The following ASXL3 variants were observed in gnomAD, a reference collection of about 807,000 sequenced individuals.
ASXL3 encodes the protein ASXL transcriptional regulator 3.
Under a neutral mutation model 170.6 loss-of-function variants are expected in ASXL3, and 34 were observed. The ratio of observed to expected loss-of-function variants is 0.20; its 90% CI spans 0.15 to 0.27. ASXL3 has a LOEUF of 0.27. Ranked by LOEUF, ASXL3 falls within the 10% of genes least tolerant of loss-of-function variation. The probability of loss-of-function intolerance (pLI) is 1.00; values close to 1 mark genes in which losing one functional copy is unlikely to be tolerated. For missense variants in ASXL3, 2,592 were observed against 2,695.3 expected (o/e 0.96, Z 0.85); for synonymous variants, 1,002 against 989.1 (o/e 1.01, Z -0.24).
Position 33,743,354 on chromosome 18 carries a change from G to C in ASXL3, c.3506G>C (p.Ser1169Thr). 1 of 1,613,642 alleles carries C rather than the reference G, an allele frequency of 6.2e-7. No individual in the cohort carries two copies. The highest frequency in any genetic ancestry group is 8.5e-7 in the Non-Finnish European group (1 of 1,179,872). ...IIVNPNCRSP[S>T]NKSAHLRETT... ...GTCAATCCAAACTGTAGATCTCCTA[G>C]CAACAAGTCTGCCCACCTCCGGGAG... Residue 1169 changes from serine to threonine, a missense_variant, in exon 12 of 12, where the codon AGC (serine) becomes ACC (threonine). Physicochemically the swap from Ser to Thr is moderately conservative, Grantham distance 58. This residue lies in a region of ASXL3 where 2,246 missense variants were observed against 2,219.6 expected (regional missense o/e 1.01). Coordinates refer to ENST00000269197, the MANE Select transcript of ASXL3 (RefSeq NM_030632.3).
At position 33,743,030 on chromosome 18, in the gene ASXL3, C is replaced by A; in HGVS notation, c.3182C>A (p.Ala1061Asp). The A allele has an allele frequency of 6.2e-7, 1 of 1,613,754 alleles. No homozygotes were observed. Among genetic ancestry groups the A allele is most frequent in the Non-Finnish European group, 8.5e-7 (1 of 1,179,806 alleles). ...ACCCTCGCAGATATCAAGGCCCGGG[C>A]CCAACAAGCTCGGGCCCAGCGAGAG... is the stretch of plus-strand genomic sequence containing the variant. ...ARTLADIKAR[A>D]QQARAQREAA... Residue 1061 changes from alanine (A) to aspartate (D), a missense_variant, in exon 12 of 12, where the codon GCC becomes GAC. Physicochemically the swap from Ala to Asp is moderately radical, Grantham distance 126. Coordinates refer to ENST00000269197, the MANE Select transcript of ASXL3 (RefSeq NM_030632.3).
chr18:33,648,894 T>G (rs964939923), intron 4 of ASXL3, among the ~76,000 whole-genome samples: 1 of 152,064 alleles, frequency 6.6e-6, no homozygotes, highest in African/African-American at 2.4e-5. Context: ...TGATGAAGAT[T>G]AGGAAATTAC....
chr18:33,650,910 T>G (rs2065987843), intron 4 of ASXL3, among the ~76,000 whole-genome samples: 1 of 152,124 alleles, frequency 6.6e-6, no homozygotes, highest in East Asian at 1.9e-4. Flanking sequence ...TAATCTAGCC[T>G]TAGGACACAT....
chr18:33,712,952 A>G (rs1456778268), intron 8 of ASXL3, among the ~76,000 whole-genome samples: 2 of 151,930 alleles, frequency 1.3e-5, no homozygotes. Flanking sequence ...CTGCCAGGCT[A>G]TTGCACTCCT....
At chr18:33,658,910 C>T (rs568926220) in intron 4 of ASXL3, among the ~76,000 whole-genome samples, 1 of 152,142 alleles carries the variant, frequency 6.6e-6, no homozygotes, top group East Asian at 1.9e-4. Context: ...TCCTGCCCTC[C>T]CTCTGAAATT....
intron 8 of ASXL3, among the ~76,000 whole-genome samples, chr18:33,718,952 C>T (rs895284512): frequency 2.0e-5 from 3 of 151,922 alleles, no homozygotes; most frequent in Non-Finnish European, 4.4e-5. Context: ...TATATCTCAG[C>T]TTGTTGAGAA....
At chr18:33,654,370 TA>T (rs34584185) in intron 4 of ASXL3, among the ~76,000 whole-genome samples, 1 of 152,048 alleles carries the variant, frequency 6.6e-6, no homozygotes, top group Non-Finnish European at 1.5e-5. Context: ...TCATGTTCTT[TA>T]AAAAAAGTAC....
At chr18:33,647,683 T>G (rs1350407028) in intron 4 of ASXL3, among the ~76,000 whole-genome samples, 1 of 152,090 alleles carries the variant, frequency 6.6e-6, no homozygotes, top group Non-Finnish European at 1.5e-5. Context: ...ACATATATAC[T>G]GAGCTTCTTT....
Position 33,653,444 on chromosome 18 carries a change from C to T in ASXL3, c.355+7091C>T, listed in dbSNP as rs954685972. 4.6e-5 allele frequency among the ~76,000 whole-genome samples: 7 copies of T among 152,234 alleles called. No homozygotes were observed. The East Asian group carries it at 1.4e-3, about 30-fold the overall frequency. On this transcript the variant is annotated intron_variant, in intron 4 of 11. Transcript: ENST00000269197. Reference sequence around the variant, plus strand: ...TTTGCTCATGGAGACACCTGCTCTACATTGGTGGCCTAGAGAAACTTAAGT... The same window carrying T: ...TTTGCTCATGGAGACACCTGCTCTATATTGGTGGCCTAGAGAAACTTAAGT...
chr18:33,648,419 T>C (rs1207976634), intron 4 of ASXL3, among the ~76,000 whole-genome samples: 3 of 152,074 alleles, frequency 2.0e-5, no homozygotes, highest in Non-Finnish European at 2.9e-5. Flanking sequence ...AGTTTGAGTA[T>C]GTGAGCAAGT....
chr18:33,680,495 G>C (rs1419973111), intron 7 of ASXL3, among the ~76,000 whole-genome samples: 1 of 151,974 alleles, frequency 6.6e-6, no homozygotes, highest in African/African-American at 2.4e-5. Flanking sequence ...AGTTGTAAAA[G>C]TTCTCTGTAG....
intron 11 of ASXL3, among the ~76,000 whole-genome samples, chr18:33,742,278 G>C (rs1425214655): frequency 6.6e-6 from 1 of 152,182 alleles, no homozygotes; most frequent in Non-Finnish European, 1.5e-5. Context: ...CTTCTCTTGT[G>C]TTCTTATATG....
chr18:33,736,291 A>AC (rs1227900685), intron 10 of ASXL3, among the ~76,000 whole-genome samples: 4 of 151,568 alleles, frequency 2.6e-5, no homozygotes, highest in Non-Finnish European at 5.9e-5. Context: ...AATAAACATG[A>AC]CCCCCTCATT....
intron 8 of ASXL3, among the ~76,000 whole-genome samples, chr18:33,731,236 A>G (rs921264054): frequency 6.6e-6 from 1 of 151,498 alleles, no homozygotes; most frequent in African/African-American, 2.5e-5. Context: ...AGAAATCTCT[A>G]AAAGTGTGTT....
intron 2 of ASXL3, among the ~76,000 whole-genome samples, chr18:33,622,753 C>T (rs948926636): frequency 2.0e-5 from 3 of 152,098 alleles, no homozygotes; most frequent in African/African-American, 7.2e-5. Flanking sequence ...AAGACATGCT[C>T]TGAAAGTTGA....
Position 33,743,904 on chromosome 18 carries a change from C to T in ASXL3, c.4056C>T (p.Asn1352=). ...PTPSIGNNLP[N]LSTSSVLIPP... ...CCTCCATCGGAAACAATTTGCCAAA[C>T]CTCTCCACTAGCTCTGTCTTGATTC... is the stretch of plus-strand genomic sequence containing the variant. The change falls in exon 12 of 12, where the codon AAC becomes AAT. Residue 1352 remains asparagine (N), a synonymous_variant. Coordinates refer to ENST00000269197, the MANE Select transcript of ASXL3 (RefSeq NM_030632.3). 1 of 1,614,014 alleles carries T rather than the reference C, an allele frequency of 6.2e-7. No homozygotes were observed. The highest frequency in any genetic ancestry group is 8.5e-7 in the Non-Finnish European group (1 of 1,179,888).
chr18:33,601,341 T>C (rs2065180693), intron 1 of ASXL3, among the ~76,000 whole-genome samples: 2 of 152,168 alleles, frequency 1.3e-5, no homozygotes, highest in South Asian at 2.1e-4. Context: ...ATTTGGCTCA[T>C]TGGAATAATA....
intron 8 of ASXL3, among the ~76,000 whole-genome samples, chr18:33,707,998 T>C (rs2066991306): frequency 1.3e-5 from 2 of 152,188 alleles, no homozygotes; most frequent in South Asian, 4.1e-4. Flanking sequence ...CACATGCCCA[T>C]GCATGCTCAT....
chr18:33,701,810 TTCTCCTTTTCC>T (rs1169499445), intron 8 of ASXL3, among the ~76,000 whole-genome samples: 1 of 152,098 alleles, frequency 6.6e-6, no homozygotes, highest in Non-Finnish European at 1.5e-5. Context: ...TATTATTTTC[TTCTCCTTTTCC>T]TCTCTCACCA....
Sources: allele counts gnomAD v4.1 joint callset (sites outside exome capture counted in the v4.1 genomes callset), GRCh38; gene constraint gnomAD v4.1.1; regional missense constraint gnomAD v4.1.1; transcripts MANE v1.5; gene names NCBI Gene and HGNC (gene_info 2026-07-23, HGNC 2026-07-21).